SMG7: variants seen among roughly 807,000 people sequenced by gnomAD.
SMG7 encodes nonsense-mediated mRNA decay factor SMG7.
A neutral mutation model predicts 148.2 loss-of-function variants in SMG7; 34 were observed. That is an observed-to-expected ratio of 0.23 (90% confidence interval 0.17 to 0.31). The LOEUF (loss-of-function observed/expected upper bound fraction) is 0.31, where lower values mean the gene tolerates loss of function less well. Ranked by LOEUF, SMG7 falls within the 10% of genes least tolerant of loss-of-function variation. The probability of loss-of-function intolerance (pLI) is 1.00; values close to 1 mark genes in which losing one functional copy is unlikely to be tolerated. For synonymous variants in SMG7, 492 were observed against 515.1 expected, an observed-to-expected ratio of 0.96 and a Z score of 0.61; for missense variants, 1,114 against 1,408.4, an observed-to-expected ratio of 0.79 and a Z score of 3.35.
intron 18 of SMG7, 127 bp downstream of exon 18, chr1:183,547,379 T>C: frequency 1.1e-6 from 1 of 917,468 alleles, no homozygotes; most frequent in Non-Finnish European, 1.6e-6. Flanking sequence ...TAAAACATAT[T>C]TTCTAATTGC....
chr1:183,544,813 A>G (rs1669612673), intron 15 of SMG7, 117 bp from the exon 16 acceptor site: 2 of 1,048,800 alleles, frequency 1.9e-6, no homozygotes, highest in Non-Finnish European at 2.8e-6. Flanking sequence ...AACATGACTA[A>G]TCTCTTTTGT....
chr1:183,474,738 C>T lies in SMG7; in HGVS notation c.29+2089C>T, dbSNP rs186283151. ...GATCACCTGTATGGGAGGCATTGTACCAACATCTGAGAATAGAAAAAGAAC... is the reference window on the plus strand; with the variant it reads ...GATCACCTGTATGGGAGGCATTGTATCAACATCTGAGAATAGAAAAAGAAC... On this transcript the variant is annotated intron_variant, in intron 1 of 22. Transcript: ENST00000688051. Among the ~76,000 whole-genome samples, 6 of 152,256 alleles carry T rather than the reference C, an allele frequency of 3.9e-5. No homozygotes were observed. In the South Asian group the frequency reaches 1.2e-3, roughly 32 times the overall value.
rs12088950 is a variant in SMG7, at chr1:183,548,902, C to G, written c.2893-306C>G. On this transcript the variant is annotated intron_variant, in intron 18 of 22. Transcript: ENST00000688051. ...TTTTGAGATTAAGTGCAACTATTGA[C>G]AAGGGGATTCCTGAGGTCCATGCCT... is the stretch of plus-strand genomic sequence containing the variant. 6.2e-3 allele frequency: 2,120 copies of G among 340,964 alleles called. 35 individuals carry two copies. The highest frequency in any genetic ancestry group is 0.038 in the African/African-American group (1,815 of 48,026). 21.1% of individuals were successfully genotyped at this position (340,964 alleles called of 1,614,324 possible).
chr1:183,508,772 A>G (rs750910629), intron 1 of SMG7, among the ~76,000 whole-genome samples: 2 of 152,204 alleles, frequency 1.3e-5, no homozygotes, highest in Non-Finnish European at 2.9e-5. Flanking sequence ...ACTTTGTTTT[A>G]AAGAGTTTGC....
In SMG7 at chr1:183,515,963, G is replaced by A. The variant is rs1348069150; in HGVS notation, c.151G>A (p.Ala51Thr). 1 of 1,611,020 alleles carries A rather than the reference G, an allele frequency of 6.2e-7. No homozygotes were observed. The change falls in exon 3 of 23, where the codon GCT becomes ACT. Residue 51 changes from alanine to threonine, a missense_variant. This residue lies in a region of SMG7 where 216 missense variants were observed against 329.1 expected (regional missense o/e 0.66). Transcript: ENST00000688051. ...QKMLVTDLEY[A>T]LDKKVEQDLW... ...AATGCTAGTTACCGATTTGGAATACGCTTTAGACAAGAAAGTAGAACAGGA... is the reference window on the plus strand; with the variant it reads ...AATGCTAGTTACCGATTTGGAATACACTTTAGACAAGAAAGTAGAACAGGA...
intron 1 of SMG7, 23 bp downstream of exon 1, chr1:183,472,672 T>G: frequency 6.9e-7 from 1 of 1,454,762 alleles, no homozygotes; most frequent in Non-Finnish European, 9.1e-7. Context: ...GCCGGGCTGG[T>G]ACGTAGGGGG....
Position 183,529,549 on chromosome 1 carries a change from T to C in SMG7, c.843+16T>C, listed in dbSNP as rs1666494533. 5 of 1,600,604 alleles carry C rather than the reference T, an allele frequency of 3.1e-6. No homozygotes were observed. Among genetic ancestry groups the C allele is most frequent in the South Asian group, 1.1e-5 (1 of 88,566 alleles). ...ACAGTTTAAGGTTAGATTTCAGAAA[T>C]AGAGAATTTTTGTCTTGTCTAAATC... is the stretch of plus-strand genomic sequence containing the variant. On this transcript the variant is annotated intron_variant, in intron 8 of 22. Transcript: ENST00000688051.
intron 1 of SMG7, among the ~76,000 whole-genome samples, chr1:183,474,456 C>G (rs1241135876): frequency 6.6e-6 from 1 of 152,058 alleles, no homozygotes; most frequent in African/African-American, 2.4e-5. Context: ...GCCGGCTACT[C>G]GGGAGGCTGA....
intron 16 of SMG7, 28 bp downstream of exon 16, chr1:183,545,340 G>A: frequency 6.3e-7 from 1 of 1,587,386 alleles, no homozygotes; most frequent in Non-Finnish European, 8.6e-7. Flanking sequence ...GTACTATCCA[G>A]CTGAATGAAA....
intron 13 of SMG7, 92 bp downstream of exon 13, chr1:183,541,195 A>G (rs1668780821): frequency 3.6e-6 from 4 of 1,123,924 alleles, no homozygotes; most frequent in Admixed American, 2.3e-5. Context: ...CACATCTCAT[A>G]TGTTACGTAT....
chr1:183,547,657 G>GGC (rs1237518273), intron 18 of SMG7, among the ~76,000 whole-genome samples: 96 of 152,200 alleles, frequency 6.3e-4, no homozygotes, highest in Admixed American at 3.3e-3. Flanking sequence ...AAGGAAATAT[G>GGC]TTCTTGATTT....
intron 10 of SMG7, among the ~76,000 whole-genome samples, chr1:183,534,492 A>C (rs1572034963): frequency 6.6e-6 from 1 of 152,210 alleles, no homozygotes; most frequent in African/African-American, 2.4e-5. Context: ...AATCTCTTTG[A>C]AAGTTTTGCT....
rs992644375 is a variant in SMG7 at position 183,490,149 on chromosome 1, T to G, written c.29+17500T>G. Among the ~76,000 whole-genome samples, 3 of 152,204 alleles carry G rather than the reference T, an allele frequency of 2.0e-5. No homozygotes were observed. In the East Asian group the frequency reaches 5.8e-4, roughly 29 times the overall value. ...CTCTTAGATTGGTCAGGGAAGGTCA[T>G]TGGTAACACTTGAGCAAATTTGCTA... On this transcript the variant is annotated intron_variant, in intron 1 of 22. Transcript: ENST00000688051.
chr1:183,552,864 G>A lies in SMG7; in HGVS notation c.*933G>A. 11 of 1,434,640 alleles carry A rather than the reference G, an allele frequency of 7.7e-6. No homozygotes were observed. Among genetic ancestry groups the A allele is most frequent in the Non-Finnish European group, 1.0e-5 (11 of 1,098,910 alleles). The allele number at this position is 1,434,640 out of a possible 1,614,324, so 88.9% of individuals were successfully genotyped here. A position where few individuals can be genotyped will look rare whatever the true frequency, so the allele number is the denominator to read the frequency against. ...TATTTTTTCTTTGGTTGGTTTTTGT[G>A]CCCCCATTCTACTTCCCACCCTCCT... On this transcript the variant is annotated 3_prime_UTR_variant, in exon 23 of 23. Coordinates refer to ENST00000688051, the MANE Select transcript of SMG7 (RefSeq NM_001375584.1).
chr1:183,549,026 G>A, intron 18 of SMG7, 182 bp from the exon 19 acceptor site: 1 of 592,152 alleles, frequency 1.7e-6, no homozygotes. Context: ...ATGCACCTGT[G>A]GCAACTGGCA....
At chr1:183,475,093 A>G (rs1651815680) in intron 1 of SMG7, among the ~76,000 whole-genome samples, 1 of 152,230 alleles carries the variant, frequency 6.6e-6, no homozygotes, top group African/African-American at 2.4e-5. Context: ...GTATGTGGAA[A>G]CTAACTGAAA....
chr1:183,551,774 C>G (rs755007483), intron 22 of SMG7, 44 bp from the exon 23 acceptor site: 1 of 1,467,992 alleles, frequency 6.8e-7, no homozygotes, highest in South Asian at 1.3e-5. Context: ...TTTCAGACAA[C>G]TTGGCATTTG....
At chr1:183,504,478 T>A (rs1188092313) in intron 1 of SMG7, among the ~76,000 whole-genome samples, 1 of 151,886 alleles carries the variant, frequency 6.6e-6, no homozygotes, top group African/African-American at 2.4e-5. Context: ...GTAGCTGGGA[T>A]GACAGGCACC....
chr1:183,531,855 G>A (rs530758955), intron 8 of SMG7, among the ~76,000 whole-genome samples: 18 of 152,150 alleles, frequency 1.2e-4, no homozygotes, highest in African/African-American at 7.2e-5. Context: ...TTGAATAAAC[G>A]CCAGCTGATT....
Sources: allele counts gnomAD v4.1 joint callset (sites outside exome capture counted in the v4.1 genomes callset), GRCh38; gene constraint gnomAD v4.1.1; regional missense constraint gnomAD v4.1.1; transcripts MANE v1.5; gene names NCBI Gene and HGNC (gene_info 2026-07-23, HGNC 2026-07-21).